Variants in NUF2 observed in about 807,000 individuals in gnomAD.
The protein encoded by NUF2 is NUF2 component of NDC80 kinetochore complex.
A neutral mutation model predicts 61.8 loss-of-function variants in NUF2; 34 were observed. The ratio of observed to expected loss-of-function variants is 0.55; its 90% CI spans 0.42 to 0.73. The LOEUF is 0.73. Ranked by LOEUF, NUF2 falls within the 30% of genes least tolerant of loss-of-function variation. The pLI is 0.00. For missense variants in NUF2, 445 were observed against 539.1 expected (o/e 0.83, Z 1.73); for synonymous variants, 172 against 181.6 (o/e 0.95, Z 0.42).
In NUF2 at chr1:163,326,026, C is replaced by T; in HGVS notation, c.-20-6C>T. On this transcript the variant is annotated splice_region_variant and splice_polypyrimidine_tract_variant and intron_variant, in intron 1 of 13. Coordinates refer to ENST00000271452, the MANE Select transcript of NUF2 (RefSeq NM_145697.3). ...TGGTATTTCTCATTGTTTTTTCTTC[C>T]TTCAGATTAACAGGAAACTTCCAAG... is the stretch of plus-strand genomic sequence containing the variant. The T allele has an allele frequency of 6.2e-7, 1 of 1,603,594 alleles. No homozygotes were observed. The highest frequency in any genetic ancestry group is 8.5e-7 in the Non-Finnish European group (1 of 1,173,756).
At chr1:163,352,744 T>C (rs1017230775) in intron 13 of NUF2, among the ~76,000 whole-genome samples, 9 of 152,090 alleles carry the variant, frequency 5.9e-5, no homozygotes, top group African/African-American at 2.2e-4. Context: ...CGGGCGCCTG[T>C]AGTCCCAGCT....
At chr1:163,337,947 A>G in intron 6 of NUF2, 73 bp from the exon 7 acceptor site, 4 of 1,091,120 alleles carry the variant, frequency 3.7e-6, no homozygotes, top group East Asian at 2.4e-5. Context: ...AAACTATAGT[A>G]TGAGTAAACA....
chr1:163,324,923 CAG>C (rs1650368154), intron 1 of NUF2, among the ~76,000 whole-genome samples: 1 of 128,828 alleles, frequency 7.8e-6, no homozygotes, highest in Non-Finnish European at 1.6e-5. Context: ...TTTTTTGACA[CAG>C]GGTCTCTGTC....
chr1:163,354,270 C>T, intron 13 of NUF2, among the ~76,000 whole-genome samples: 1 of 152,080 alleles, frequency 6.6e-6, no homozygotes, highest in East Asian at 1.9e-4. Flanking sequence ...TCTAAACACA[C>T]TCTTCTATTT....
chr1:163,326,004 T>G, intron 1 of NUF2, 28 bp from the exon 2 acceptor site: 1 of 1,577,710 alleles, frequency 6.3e-7, no homozygotes, highest in Non-Finnish European at 8.7e-7. Context: ...GATCATGTGG[T>G]ATTTCTCATT....
Position 163,326,156 on chromosome 1 carries a change from T to A in NUF2, c.105T>A (p.Asp35Glu). ...GADGKNLTKN[D>E]LYPNPKPEVL... The stretch of plus-strand genomic sequence containing the variant: ...ATGGTAAAAACCTCACCAAGAATGA[T>A]CTTTATCCAAATCCAAAGGTAAAAG... The change falls in exon 2 of 14, where the codon GAT becomes GAA. Residue 35 changes from aspartate (D) to glutamate (E), a missense_variant. Physicochemically the swap from Asp to Glu is conservative, Grantham distance 45. Transcript: ENST00000271452. 1 of 1,612,832 alleles carries A rather than the reference T, an allele frequency of 6.2e-7. No homozygotes were observed. Among genetic ancestry groups the A allele is most frequent in the Non-Finnish European group, 8.5e-7 (1 of 1,179,252 alleles).
chr1:163,332,043 GT>G (rs887450486), intron 5 of NUF2, among the ~76,000 whole-genome samples: 11 of 150,020 alleles, frequency 7.3e-5, no homozygotes, highest in Non-Finnish European at 8.9e-5. Context: ...TTCTAGTTTT[GT>G]TTTTTTTAAG....
chr1:163,354,600 C>T (rs1443310087), intron 13 of NUF2, among the ~76,000 whole-genome samples: 2 of 151,958 alleles, frequency 1.3e-5, no homozygotes, highest in Admixed American at 6.6e-5. Context: ...GCTTTTCTTC[C>T]CCCACTGGAA....
intron 12 of NUF2, 148 bp downstream of exon 12, chr1:163,348,086 G>A: frequency 1.9e-6 from 1 of 527,136 alleles, no homozygotes; most frequent in Non-Finnish European, 3.2e-6. Context: ...TAAAACAGAT[G>A]AGTTAATTAT....
At position 163,327,540 on chromosome 1, in the gene NUF2, T is replaced by C. The variant is rs1403054706; in HGVS notation, c.176T>C (p.Ile59Thr). ...AGAGCCTTACAAATAGTATATGGAA[T>C]TCGACTGGAACATTTTTACATGGTG... The part of the protein sequence containing the change: ...YMRALQIVYG[I>T]RLEHFYMMPV... Residue 59 changes from isoleucine (I) to threonine (T), a missense_variant, in exon 3 of 14, where the codon ATT (isoleucine) becomes ACT (threonine). By Grantham distance (89) the Ile-to-Thr change is moderately conservative. Transcript: ENST00000271452. The C allele has an allele frequency of 6.2e-7, 1 of 1,610,766 alleles. No individual in the cohort carries two copies. The highest frequency in any genetic ancestry group is 1.7e-5 in the Admixed American group (1 of 59,980).
chr1:163,328,895 A>G lies in NUF2; in HGVS notation c.325A>G (p.Ile109Val), dbSNP rs1427344401. ...CRVNDFETAD[I>V]LCPKAKRTSR... Reference sequence around the variant, plus strand: ...GGTGAATGACTTTGAGACTGCTGATATTCTATGTCCAAGTAAGTGAGAATT... The same window carrying G: ...GGTGAATGACTTTGAGACTGCTGATGTTCTATGTCCAAGTAAGTGAGAATT... Residue 109 changes from isoleucine to valine, a missense_variant, in exon 5 of 14, where the codon ATT (isoleucine) becomes GTT (valine). By Grantham distance (29) the Ile-to-Val change is conservative. Coordinates refer to ENST00000271452, the MANE Select transcript of NUF2 (RefSeq NM_145697.3). 4.4e-6 allele frequency: 7 copies of G among 1,597,622 alleles called. No individual in the cohort carries two copies.
At chr1:163,352,844 C>T (rs969734835) in intron 13 of NUF2, among the ~76,000 whole-genome samples, 16 of 151,100 alleles carry the variant, frequency 1.1e-4, no homozygotes, top group South Asian at 8.4e-4. Flanking sequence ...CCAGCCTGGG[C>T]GACAGAGCGA....
At chr1:163,342,331 A>G (rs1310003717) in intron 9 of NUF2, among the ~76,000 whole-genome samples, 1 of 152,112 alleles carries the variant, frequency 6.6e-6, no homozygotes, top group South Asian at 2.1e-4. Flanking sequence ...CCAAGTTAAA[A>G]CAAGCACTTT....
At chr1:163,324,900 C>CT (rs67548511) in intron 1 of NUF2, among the ~76,000 whole-genome samples, 35,938 of 123,032 alleles carry the variant, frequency 0.29, 5,857 homozygotes, top group East Asian at 0.59. Flanking sequence ...TCTTTTCTTT[C>CT]TTTTTTTTTT....
chr1:163,336,844 A>T lies in NUF2; in HGVS notation c.431A>T (p.Gln144Leu). 2 of 1,591,844 alleles carry T rather than the reference A, an allele frequency of 1.3e-6. No homozygotes were observed. Among genetic ancestry groups the T allele is most frequent in the Non-Finnish European group, 1.7e-6 (2 of 1,159,998 alleles). Reference sequence around the variant, plus strand: ...GAAACGTATATGGAATTTCTTTGGCAATATGTAAGATTTAAATATGTTTTG... The same window carrying T: ...GAAACGTATATGGAATTTCTTTGGCTATATGTAAGATTTAAATATGTTTTG... Reference protein sequence around the residue: ...CRETYMEFLWQYKSSADKMQQ... With the variant: ...CRETYMEFLWLYKSSADKMQQ... Residue 144 changes from glutamine to leucine, a missense_variant, in exon 6 of 14, where the codon CAA (glutamine) becomes CTA (leucine). By Grantham distance (113) the Gln-to-Leu change is moderately radical. Transcript: ENST00000271452.
intron 11 of NUF2, among the ~76,000 whole-genome samples, chr1:163,347,530 G>T (rs1291777226): frequency 6.6e-6 from 1 of 152,106 alleles, no homozygotes; most frequent in Non-Finnish European, 1.5e-5. Flanking sequence ...CTTTCAGTCT[G>T]TACTGATAGA....
rs972796162 is a variant in NUF2 at position 163,326,155 on chromosome 1, A to G, written c.104A>G (p.Asp35Gly). Residue 35 changes from aspartate to glycine, a missense_variant, in exon 2 of 14, where the codon GAT becomes GGT. Transcript: ENST00000271452. ...GADGKNLTKN[D>G]LYPNPKPEVL... ...GATGGTAAAAACCTCACCAAGAATG[A>G]TCTTTATCCAAATCCAAAGGTAAAA... The G allele has an allele frequency of 1.2e-6, 2 of 1,612,860 alleles. No individual in the cohort carries two copies. Among genetic ancestry groups the G allele is most frequent in the East Asian group, 2.2e-5 (1 of 44,742 alleles).
Position 163,345,687 on chromosome 1 carries a change from G to T in NUF2, c.817G>T (p.Val273Leu). 1 of 1,610,780 alleles carries T rather than the reference G, an allele frequency of 6.2e-7. No individual in the cohort carries two copies. The highest frequency in any genetic ancestry group is 8.5e-7 in the Non-Finnish European group (1 of 1,178,970). The change falls in exon 11 of 14, where the codon GTG becomes TTG. Residue 273 changes from valine (V) to leucine (L), a missense_variant. Coordinates refer to ENST00000271452, the MANE Select transcript of NUF2 (RefSeq NM_145697.3). ...QKLKNARQEV[V>L]EKYEIYGDSV... is the part of the protein sequence containing the mutation. ...TTTTTGTCTTTCAAAGCAAGAAGTGGTGGAGAAATATGAAATCTATGGAGA... is the reference window on the plus strand; with the variant it reads ...TTTTTGTCTTTCAAAGCAAGAAGTGTTGGAGAAATATGAAATCTATGGAGA...
intron 7 of NUF2, 96 bp downstream of exon 7, chr1:163,338,189 C>CT: frequency 1.3e-6 from 1 of 772,898 alleles, no homozygotes. Flanking sequence ...CCTTAAGTCT[C>CT]TTTTATCTCC....
Sources: allele counts gnomAD v4.1 joint callset (sites outside exome capture counted in the v4.1 genomes callset), GRCh38; gene constraint gnomAD v4.1.1; transcripts MANE v1.5; gene names NCBI Gene and HGNC (gene_info 2026-07-23, HGNC 2026-07-21).